The following MAOB variants were observed in gnomAD, a reference collection of about 807,000 sequenced individuals.
MAOB encodes amine oxidase [flavin-containing] B.
MAOB carries 15 observed loss-of-function variants against 41.9 expected under a neutral mutation model. That is an observed-to-expected ratio of 0.36 (90% confidence interval 0.24 to 0.55). The LOEUF (loss-of-function observed/expected upper bound fraction) is 0.55. Ranked by LOEUF, MAOB falls within the 20% of genes least tolerant of loss-of-function variation. The pLI is 0.86. For synonymous variants in MAOB, 167 were observed against 144.2 expected (o/e 1.16, Z -1.13); for missense variants, 345 against 398.7 (o/e 0.87, Z 1.15).
intron 3 of MAOB, among the ~76,000 whole-genome samples, chrX:43,817,340 C>T (rs763479181): frequency 1.9e-4 from 21 of 110,614 alleles, no homozygotes; most frequent in Non-Finnish European, 3.8e-4. Flanking sequence ...TTTTTTTCTC[C>T]TATCCCATAC....
At chrX:43,852,791 A>C (rs892336518) in intron 1 of MAOB, among the ~76,000 whole-genome samples, 2 of 111,795 alleles carry the variant, frequency 1.8e-5, no homozygotes, top group Non-Finnish European at 3.8e-5. Context: ...TTTTTCAAAA[A>C]CATACCTAAA....
chrX:43,775,054 T>TG, intron 12 of MAOB, 121 bp downstream of exon 12: 2 of 803,942 alleles, frequency 2.5e-6, no homozygotes, highest in Non-Finnish European at 3.2e-6. Context: ...GAAATTGGGT[T>TG]GTTTTTTTTT....
At chrX:43,817,083 T>A (rs1367484098) in intron 3 of MAOB, among the ~76,000 whole-genome samples, 4 of 108,900 alleles carry the variant, frequency 3.7e-5, no homozygotes, top group Non-Finnish European at 7.6e-5. Context: ...CTCTCTCTCT[T>A]CTTCTTCTTT....
chrX:43,823,163 G>GTTTTT (rs1569222543), intron 3 of MAOB, among the ~76,000 whole-genome samples: 1 of 97,598 alleles, frequency 1.0e-5, no homozygotes, highest in African/African-American at 3.8e-5. Flanking sequence ...AAAACAGATG[G>GTTTTT]TCTTTTTTTT....
chrX:43,880,995 CTGAATT>C (rs913798103), intron 1 of MAOB, among the ~76,000 whole-genome samples: 2 of 112,856 alleles, frequency 1.8e-5, no homozygotes, highest in African/African-American at 6.4e-5. Context: ...TGAAAGAAAA[CTGAATT>C]TATACACAGC....
At chrX:43,792,771 G>T (rs2034479179) in intron 8 of MAOB, among the ~76,000 whole-genome samples, 1 of 111,798 alleles carries the variant, frequency 8.9e-6, no homozygotes, top group Non-Finnish European at 1.9e-5. Flanking sequence ...GAAATTTGGA[G>T]TTTTCTCAAA....
At chrX:43,785,209 G>T (rs762570251) in intron 8 of MAOB, among the ~76,000 whole-genome samples, 14 of 113,141 alleles carry the variant, frequency 1.2e-4, no homozygotes, top group African/African-American at 4.5e-4. Context: ...ATGTTCTTAC[G>T]TAGAACTTCT....
chrX:43,856,016 G>A (rs2035284830), intron 1 of MAOB, among the ~76,000 whole-genome samples: 1 of 111,128 alleles, frequency 9.0e-6, no homozygotes, highest in African/African-American at 3.3e-5. Flanking sequence ...CCTTGAAAAA[G>A]CAAAAATAAA....
At chrX:43,806,548 T>A (rs1223219089) in intron 3 of MAOB, among the ~76,000 whole-genome samples, 1 of 110,958 alleles carries the variant, frequency 9.0e-6, no homozygotes, top group Non-Finnish European at 1.9e-5. Context: ...CTTGATTCCT[T>A]GCTTAGGGTG....
At chrX:43,843,355 T>TCACACA (rs1491579122) in intron 2 of MAOB, among the ~76,000 whole-genome samples, 1 of 74,532 alleles carries the variant, frequency 1.3e-5, no homozygotes. Flanking sequence ...TCTCTCTCTG[T>TCACACA]CTCACACACA....
intron 2 of MAOB, among the ~76,000 whole-genome samples, chrX:43,840,172 G>C (rs886842235): frequency 8.9e-6 from 1 of 111,921 alleles, no homozygotes; most frequent in South Asian, 3.8e-4. Context: ...TAGGTCAGGC[G>C]GTGTATGTCA....
chrX:43,877,193 G>A (rs1395334670), intron 1 of MAOB, among the ~76,000 whole-genome samples: 1 of 112,192 alleles, frequency 8.9e-6, no homozygotes, highest in Non-Finnish European at 1.9e-5. Context: ...AACCAGGGTA[G>A]ACACCATGCT....
At chrX:43,858,476 A>C (rs1288597686) in intron 1 of MAOB, among the ~76,000 whole-genome samples, 1 of 110,433 alleles carries the variant, frequency 9.1e-6, no homozygotes, top group Non-Finnish European at 1.9e-5. Context: ...TTCTTCTCAC[A>C]CTCTGCGCTG....
At chrX:43,791,625 C>T (rs1055441225) in intron 8 of MAOB, among the ~76,000 whole-genome samples, 2 of 110,993 alleles carry the variant, frequency 1.8e-5, no homozygotes, top group Non-Finnish European at 3.8e-5. Flanking sequence ...GGCAAGGTGG[C>T]ACGCACCTGT....
intron 1 of MAOB, among the ~76,000 whole-genome samples, chrX:43,859,415 T>C (rs774077693): frequency 8.0e-5 from 9 of 112,006 alleles, no homozygotes; most frequent in Non-Finnish European, 1.1e-4. Context: ...GCAATAGTTT[T>C]TAATTTTCCA....
At chrX:43,790,610 G>C (rs918656726) in intron 8 of MAOB, among the ~76,000 whole-genome samples, 1 of 110,375 alleles carries the variant, frequency 9.1e-6, no homozygotes. Flanking sequence ...GATAGAGATG[G>C]AGTCTCACTC....
chrX:43,849,750 A>G (rs2035236319), intron 1 of MAOB, among the ~76,000 whole-genome samples: 1 of 112,781 alleles, frequency 8.9e-6, no homozygotes, highest in South Asian at 3.6e-4. Context: ...TGGCACTTAA[A>G]TGTTTGTTGA....
intron 12 of MAOB, among the ~76,000 whole-genome samples, chrX:43,771,088 C>A (rs904098916): frequency 9.0e-6 from 1 of 111,685 alleles, no homozygotes; most frequent in Non-Finnish European, 1.9e-5. Context: ...CTTTCACCTG[C>A]TCTGATTGTA....
chrX:43,821,148 C>A (rs1285120716), intron 3 of MAOB, among the ~76,000 whole-genome samples: 1 of 111,938 alleles, frequency 8.9e-6, no homozygotes, highest in African/African-American at 3.3e-5. Flanking sequence ...GGGCAATTGC[C>A]TCCCTCTGGG....
Sources: allele counts gnomAD v4.1 joint callset (sites outside exome capture counted in the v4.1 genomes callset), GRCh38; gene constraint gnomAD v4.1.1; transcripts MANE v1.5; gene names NCBI Gene and HGNC (gene_info 2026-07-23, HGNC 2026-07-21).